CRPPA: variants seen among roughly 807,000 people sequenced by gnomAD.
CRPPA encodes the protein CDP-L-ribitol pyrophosphorylase A, also known as D-ribitol-5-phosphate cytidylyltransferase.
Under a neutral mutation model 52.0 loss-of-function variants are expected in CRPPA, and 43 were observed. That is an observed-to-expected ratio of 0.83 (90% CI 0.65 to 1.07). The LOEUF (loss-of-function observed/expected upper bound fraction) is 1.07. Among genes scored for constraint, CRPPA ranks in the 50% least tolerant of loss-of-function variants. CRPPA has a pLI of 0.00. For synonymous variants in CRPPA, 250 were observed against 203.5 expected (o/e 1.23, Z -1.94); for missense variants, 629 against 551.7 (o/e 1.14, Z -1.40).
chr7:16,293,548 C>T (rs1279687764), intron 5 of CRPPA, among the ~76,000 whole-genome samples: 1 of 151,814 alleles, frequency 6.6e-6, no homozygotes, highest in Non-Finnish European at 1.5e-5. Flanking sequence ...CAATAGGAAG[C>T]TATTAGACTA....
intron 9 of CRPPA, among the ~76,000 whole-genome samples, chr7:16,172,700 A>G (rs918940521): frequency 6.6e-6 from 1 of 152,228 alleles, no homozygotes; most frequent in Admixed American, 6.5e-5. Context: ...GTTCTAGAAT[A>G]GGCATGTAGG....
intron 6 of CRPPA, among the ~76,000 whole-genome samples, chr7:16,264,775 C>G (rs550122592): frequency 2.6e-5 from 4 of 152,200 alleles, no homozygotes; most frequent in Non-Finnish European, 5.9e-5. Flanking sequence ...TCCCTTTTTG[C>G]CTTTCTAGCA....
chr7:16,124,389 A>G (rs1376769384), intron 9 of CRPPA, among the ~76,000 whole-genome samples: 5 of 152,160 alleles, frequency 3.3e-5, no homozygotes, highest in African/African-American at 1.2e-4. Flanking sequence ...GCAATGGGAT[A>G]CTATTTAGCC....
chr7:16,316,125 T>C lies in CRPPA; in HGVS notation c.685-7498A>G, dbSNP rs569775458. ...GATAAAATGAGAAAATGACACAGGA[T>C]ACAGATATTCTATACAGAAGAGGAA... On this transcript the variant is annotated intron_variant, in intron 3 of 9. Coordinates refer to ENST00000407010, the MANE Select transcript of CRPPA (RefSeq NM_001101426.4). Among the ~76,000 whole-genome samples the C allele has an allele frequency of 4.3e-4, 66 of 152,080 alleles. 1 individual carries two copies. The highest frequency in any genetic ancestry group is 1.1e-3 in the Admixed American group (17 of 15,268).
chr7:16,227,104 T>A (rs1473093433), intron 8 of CRPPA, among the ~76,000 whole-genome samples: 4 of 151,948 alleles, frequency 2.6e-5, no homozygotes, highest in African/African-American at 9.7e-5. Flanking sequence ...GAGTATTTAA[T>A]TGTGTTTGTA....
rs1781798296 is a variant in CRPPA at position 16,089,820 on chromosome 7, C to T, written c.*1875G>A. ...GCTGTAGGATTCCTTAAGCTGAAGTCTATGTTAACTCAGCCAGCACTCCAG... is the reference window on the plus strand; with the variant it reads ...GCTGTAGGATTCCTTAAGCTGAAGTTTATGTTAACTCAGCCAGCACTCCAG... On this transcript the variant is annotated 3_prime_UTR_variant, in exon 10 of 10. Transcript: ENST00000407010. 1 of 170,122 alleles carries T rather than the reference C, an allele frequency of 5.9e-6. No homozygotes were observed. The highest frequency in any genetic ancestry group is 2.4e-5 in the African/African-American group (1 of 41,754). 10.5% of individuals were successfully genotyped at this position (170,122 alleles called of 1,614,324 possible).
At position 16,351,740 on chromosome 7, in the gene CRPPA, G is replaced by C. The variant is rs190937402; in HGVS notation, c.684+24352C>G. Among the ~76,000 whole-genome samples, 355 of 152,168 alleles carry C rather than the reference G, an allele frequency of 2.3e-3. 2 individuals are homozygous for C. The Middle Eastern group carries it at 0.051, about 22-fold the overall frequency. On this transcript the variant is annotated intron_variant, in intron 3 of 9. Transcript: ENST00000407010. ...ACCATCTCATGCCAGTTAGAATGGCGATCATTAAAAAGTCAGGAAACAACA... is the reference window on the plus strand; with the variant it reads ...ACCATCTCATGCCAGTTAGAATGGCCATCATTAAAAAGTCAGGAAACAACA...
chr7:16,398,558 C>T (rs1344982627), intron 2 of CRPPA, among the ~76,000 whole-genome samples: 3 of 152,086 alleles, frequency 2.0e-5, no homozygotes, highest in South Asian at 2.1e-4. Context: ...GACACGTGAT[C>T]GTCAAGTGAT....
intron 9 of CRPPA, among the ~76,000 whole-genome samples, chr7:16,119,652 C>T (rs1782444626): frequency 1.3e-5 from 2 of 152,108 alleles, no homozygotes; most frequent in African/African-American, 2.4e-5. Context: ...ATATGCCAGA[C>T]CAGGTTTGCA....
intron 5 of CRPPA, among the ~76,000 whole-genome samples, chr7:16,286,087 T>TAAAAAAA (rs1206296972): frequency 6.5e-5 from 1 of 15,502 alleles, no homozygotes; most frequent in Non-Finnish European, 1.1e-4. Flanking sequence ...ATATAATATT[T>TAAAAAAA]AAAAAAAAAA....
At chr7:16,265,468 A>G (rs556316795) in intron 6 of CRPPA, among the ~76,000 whole-genome samples, 1 of 152,240 alleles carries the variant, frequency 6.6e-6, no homozygotes, top group African/African-American at 2.4e-5. Flanking sequence ...GCAGTGCTAC[A>G]TAGTGCAGTG....
Position 16,087,734 on chromosome 7 carries a change from T to A in CRPPA, c.*3961A>T, listed in dbSNP as rs948170173. The A allele has an allele frequency of 2.0e-5, 3 of 152,176 alleles. No individual in the cohort carries two copies. The highest frequency in any genetic ancestry group is 2.9e-5 in the Non-Finnish European group (2 of 68,006). The allele number at this position is 152,176 out of a possible 1,614,324, so 9.4% of individuals were successfully genotyped here. ...CTAGTCCACTGATTTTAAGCCATAC[T>A]AACAAATCCTATATCAATTAAAATG... On this transcript the variant is annotated 3_prime_UTR_variant, in exon 10 of 10. Coordinates refer to ENST00000407010, the MANE Select transcript of CRPPA (RefSeq NM_001101426.4).
chr7:16,255,637 C>T (rs1783618070), intron 8 of CRPPA, among the ~76,000 whole-genome samples: 2 of 152,068 alleles, frequency 1.3e-5, no homozygotes, highest in Non-Finnish European at 2.9e-5. Context: ...GAAATAATAC[C>T]ACACATCTAC....
chr7:16,348,543 C>T (rs184540878), intron 3 of CRPPA, among the ~76,000 whole-genome samples: 1 of 152,176 alleles, frequency 6.6e-6, no homozygotes, highest in African/African-American at 2.4e-5. Flanking sequence ...GGTATATGAG[C>T]GTCTCCTGAA....
At chr7:16,224,502 A>C (rs565604162) in intron 8 of CRPPA, among the ~76,000 whole-genome samples, 1 of 152,284 alleles carries the variant, frequency 6.6e-6, no homozygotes, top group South Asian at 2.1e-4. Context: ...ATACCTAAAT[A>C]ATGCACTGCT....
intron 2 of CRPPA, among the ~76,000 whole-genome samples, chr7:16,377,898 C>A (rs1049657947): frequency 6.6e-6 from 1 of 152,078 alleles, no homozygotes; most frequent in South Asian, 2.1e-4. Flanking sequence ...TAGTTCCCAC[C>A]CATGCCCCAG....
chr7:16,342,826 T>G, intron 3 of CRPPA, among the ~76,000 whole-genome samples: 1 of 137,884 alleles, frequency 7.3e-6, no homozygotes, highest in Non-Finnish European at 1.5e-5. Flanking sequence ...TATACATATA[T>G]AGATATATAG....
chr7:16,125,059 A>G (rs1782549811), intron 9 of CRPPA, among the ~76,000 whole-genome samples: 1 of 151,968 alleles, frequency 6.6e-6, no homozygotes, highest in Non-Finnish European at 1.5e-5. Flanking sequence ...CAGGAGTTTG[A>G]GACCAGCCTG....
intron 8 of CRPPA, among the ~76,000 whole-genome samples, chr7:16,244,897 T>C (rs1281094002): frequency 6.6e-6 from 1 of 152,182 alleles, no homozygotes. Flanking sequence ...AACTCAAAAA[T>C]AAGAACAGAC....
Sources: allele counts gnomAD v4.1 joint callset (sites outside exome capture counted in the v4.1 genomes callset), GRCh38; gene constraint gnomAD v4.1.1; transcripts MANE v1.5; gene names NCBI Gene and HGNC (gene_info 2026-07-23, HGNC 2026-07-21).